CDC42BPA: variants seen among roughly 807,000 people sequenced by gnomAD.
CDC42BPA encodes the protein serine/threonine-protein kinase MRCK alpha.
CDC42BPA carries 80 observed loss-of-function variants against 223.5 expected under a neutral mutation model. The observed-to-expected ratio is 0.36, with a 90% CI of 0.30 to 0.43. The LOEUF is 0.43. CDC42BPA is among the 20% of genes least tolerant of loss of function. The probability of loss-of-function intolerance (pLI) is 1.00; values close to 1 mark genes in which losing one functional copy is unlikely to be tolerated. For missense variants in CDC42BPA, 1,743 were observed against 2,099.9 expected (o/e 0.83, Z 3.32); for synonymous variants, 694 against 718.6 (o/e 0.97, Z 0.55).
At chr1:227,102,168 G>A (rs191462467) in intron 14 of CDC42BPA, among the ~76,000 whole-genome samples, 13 of 152,212 alleles carry the variant, frequency 8.5e-5, no homozygotes, top group Admixed American at 2.0e-4. Flanking sequence ...ACTGGTAAGC[G>A]TAGTTGACTT....
chr1:227,192,952 A>G (rs767198629), intron 5 of CDC42BPA, among the ~76,000 whole-genome samples: 6 of 152,134 alleles, frequency 3.9e-5, no homozygotes, highest in African/African-American at 9.7e-5. Flanking sequence ...AGACTCAACT[A>G]TAAGGAAACT....
At position 227,072,361 on chromosome 1, in the gene CDC42BPA, T is replaced by G. The variant is rs372487005; in HGVS notation, c.2736-62A>C. ...TTTTATTGCTGGTTAGTGAGCCATC[T>G]TGGATGTAGCCAAACTTACTTGGTT... On this transcript the variant is annotated intron_variant, in intron 19 of 36. Coordinates refer to ENST00000366766, the MANE Select transcript of CDC42BPA (RefSeq NM_001394014.1). The G allele has an allele frequency of 3.3e-5, 31 of 943,214 alleles. No individual in the cohort carries two copies. In the African/African-American group the frequency reaches 5.1e-4, roughly 15 times the overall value. 58.4% of individuals were successfully genotyped at this position (943,214 alleles called of 1,614,324 possible). A position where few individuals can be genotyped will look rare whatever the true frequency, so the allele number is the denominator to read the frequency against.
intron 1 of CDC42BPA, among the ~76,000 whole-genome samples, chr1:227,273,129 C>A (rs565739937): frequency 5.9e-5 from 9 of 152,304 alleles, no homozygotes; most frequent in African/African-American, 2.2e-4. Context: ...GAAACCCCAT[C>A]TCTACCAAAA....
At chr1:227,001,035 T>A (rs1048160271) in intron 35 of CDC42BPA, among the ~76,000 whole-genome samples, 1 of 152,174 alleles carries the variant, frequency 6.6e-6, no homozygotes, top group Non-Finnish European at 1.5e-5. Context: ...AGTGAGCCCC[T>A]ACTGCTGACA....
chr1:227,137,169 A>C (rs774278961), intron 10 of CDC42BPA, among the ~76,000 whole-genome samples: 49 of 152,112 alleles, frequency 3.2e-4, no homozygotes, highest in Admixed American at 6.5e-5. Flanking sequence ...ATTAAGAAAA[A>C]GATATATAAA....
chr1:227,229,295 C>T (rs1034368677), intron 2 of CDC42BPA, among the ~76,000 whole-genome samples: 2 of 152,114 alleles, frequency 1.3e-5, no homozygotes, highest in African/African-American at 4.8e-5. Flanking sequence ...GGTTTCAGCA[C>T]CCTTGTCAAA....
At chr1:227,043,348 G>C (rs1671768945) in intron 23 of CDC42BPA, among the ~76,000 whole-genome samples, 1 of 150,882 alleles carries the variant, frequency 6.6e-6, no homozygotes, top group Non-Finnish European at 1.5e-5. Flanking sequence ...GGTAGGCAGA[G>C]GCTGCAGCGA....
rs755353652 is a variant in CDC42BPA, at chr1:227,101,106, G to C, written c.2135C>G (p.Ala712Gly). The change falls in exon 15 of 37, where the codon GCA becomes GGA. Residue 712 changes from alanine to glycine, a missense_variant. By Grantham distance (60) the Ala-to-Gly change is moderately conservative. Around this residue, in one of 6 missense-constraint regions of CDC42BPA, gnomAD observed 464 missense variants for 488.0 expected, o/e 0.95. Coordinates refer to ENST00000366766, the MANE Select transcript of CDC42BPA (RefSeq NM_001394014.1). The part of the protein sequence containing the change: ...EELSKREGIH[A>G]NEIKNLKKEL... ...TTTCTTAAGATTTTTTATTTCATTTGCATGTATTCCTTCTCTTTTAGATAA... is the reference window on the plus strand; with the variant it reads ...TTTCTTAAGATTTTTTATTTCATTTCCATGTATTCCTTCTCTTTTAGATAA... 6.4e-7 allele frequency: 1 copy of C among 1,573,424 alleles called. No homozygotes were observed. Among genetic ancestry groups the C allele is most frequent in the Non-Finnish European group, 8.7e-7 (1 of 1,143,980 alleles).
At chr1:227,099,070 C>T (rs1345564548) in intron 15 of CDC42BPA, among the ~76,000 whole-genome samples, 3 of 151,960 alleles carry the variant, frequency 2.0e-5, no homozygotes, top group Non-Finnish European at 4.4e-5. Flanking sequence ...GCATTACTCA[C>T]GTGTATGTGG....
At chr1:227,138,056 A>T (rs527704068) in intron 10 of CDC42BPA, among the ~76,000 whole-genome samples, 2 of 152,262 alleles carry the variant, frequency 1.3e-5, no homozygotes, top group Admixed American at 6.5e-5. Flanking sequence ...TTTCAGTCAC[A>T]AAAGGGAAGT....
intron 1 of CDC42BPA, among the ~76,000 whole-genome samples, chr1:227,308,887 G>A (rs1022593943): frequency 3.9e-5 from 6 of 152,120 alleles, no homozygotes; most frequent in Admixed American, 1.3e-4. Context: ...CTACAGTGAC[G>A]TTTAAGCAAT....
chr1:227,067,473 C>T (rs182524563), intron 21 of CDC42BPA, among the ~76,000 whole-genome samples: 15 of 152,122 alleles, frequency 9.9e-5, no homozygotes, highest in African/African-American at 3.4e-4. Context: ...ACTTCCTTCC[C>T]TTTCTTTTTT....
intron 11 of CDC42BPA, among the ~76,000 whole-genome samples, chr1:227,127,512 A>G (rs1187128053): frequency 1.3e-5 from 2 of 152,196 alleles, no homozygotes; most frequent in South Asian, 2.1e-4. Context: ...TTCCAAATCG[A>G]TATCGCTTCT....
chr1:227,122,370 C>T lies in CDC42BPA; in HGVS notation c.1514-2433G>A, dbSNP rs529221438. On this transcript the variant is annotated intron_variant, in intron 11 of 36. Transcript: ENST00000366766. ...TATTGTTACTGACTTATTTCAACAG[C>T]TCTGAGAAACAAAAAATTCAGTATT... 2.6e-5 allele frequency among the ~76,000 whole-genome samples: 4 copies of T among 152,232 alleles called. No homozygotes were observed. In the South Asian group the frequency reaches 8.3e-4, roughly 32 times the overall value.
intron 6 of CDC42BPA, among the ~76,000 whole-genome samples, chr1:227,149,636 CTGAAA>C (rs1282581758): frequency 6.6e-6 from 1 of 152,026 alleles, no homozygotes; most frequent in African/African-American, 2.4e-5. Flanking sequence ...AAAATAGTCA[CTGAAA>C]TAAAATAAAC....
chr1:227,291,966 C>A (rs368585168), intron 1 of CDC42BPA, among the ~76,000 whole-genome samples: 1 of 151,790 alleles, frequency 6.6e-6, no homozygotes, highest in East Asian at 1.9e-4. Context: ...TAACAAATAG[C>A]CCTGAGGTCT....
At chr1:227,138,881 G>A (rs865877606) in intron 10 of CDC42BPA, among the ~76,000 whole-genome samples, 1 of 152,054 alleles carries the variant, frequency 6.6e-6, no homozygotes, top group Non-Finnish European at 1.5e-5. Context: ...ACCAGAGAAC[G>A]AAAAATGAGG....
chr1:227,053,595 C>G (rs577628685), intron 21 of CDC42BPA, among the ~76,000 whole-genome samples: 9 of 152,234 alleles, frequency 5.9e-5, no homozygotes, highest in African/African-American at 2.2e-4. Context: ...AGGCCTGTAT[C>G]CCAACTCAAG....
chr1:227,157,555 T>C (rs374618888), intron 6 of CDC42BPA, among the ~76,000 whole-genome samples: 3 of 152,210 alleles, frequency 2.0e-5, no homozygotes, highest in African/African-American at 4.8e-5. Context: ...ACATCTGACA[T>C]GGCCAGATGT....
Sources: gnomAD v4.1 joint callset for allele counts (sites outside exome capture counted in the v4.1 genomes callset) on GRCh38, gnomAD v4.1.1 for gene constraint, gnomAD v4.1.1 regional missense constraint, MANE v1.5 for transcripts, NCBI Gene and HGNC (gene_info 2026-07-23, HGNC 2026-07-21) for gene names.